Variants in NTNG2 observed in about 807,000 individuals in gnomAD.
NTNG2 encodes the protein netrin G2, also known as netrin-G2.
Under a neutral mutation model 47.6 loss-of-function variants are expected in NTNG2, and 15 were observed. The observed-to-expected ratio is 0.32, with a 90% CI of 0.21 to 0.49. NTNG2 has a LOEUF of 0.49. Ranked by LOEUF, NTNG2 falls within the 20% of genes least tolerant of loss-of-function variation. NTNG2 has a pLI of 0.99. For missense variants in NTNG2, 578 were observed against 764.6 expected, an observed-to-expected ratio of 0.76 and a Z score of 2.88; for synonymous variants, 307 against 324.6, an observed-to-expected ratio of 0.95 and a Z score of 0.58.
chr9:132,241,859 G>GC lies in NTNG2; in HGVS notation c.1358-12dup. 1 of 1,537,926 alleles carries GC rather than the reference G, an allele frequency of 6.5e-7. No homozygotes were observed. Among genetic ancestry groups the GC allele is most frequent in the Admixed American group, 1.9e-5 (1 of 54,022 alleles). On this transcript the variant is annotated splice_polypyrimidine_tract_variant and intron_variant, in intron 7 of 7. Coordinates refer to ENST00000393229, the MANE Select transcript of NTNG2 (RefSeq NM_032536.4). ...GACCGGGCCACCCCCCGTGCTGACC[G>GC]CCCCCTCCGCCTGCAGCCAACGTGT...
rs1472568651 is a variant in NTNG2 at position 132,231,273 on chromosome 9, C to T, written c.1054+678C>T. On this transcript the variant is annotated intron_variant, in intron 5 of 7. Coordinates refer to ENST00000393229, the MANE Select transcript of NTNG2 (RefSeq NM_032536.4). The surrounding 1 kb of genome is among the most constrained non-coding windows in gnomAD (Gnocchi z 4.1). The stretch of plus-strand genomic sequence containing the variant: ...CTGTCCCCAGACACTCACAGGGTGC[C>T]AGGCACGGTCTCTCCTTTCAGCCTT... 1 of 456,184 alleles carries T rather than the reference C, an allele frequency of 2.2e-6. No individual in the cohort carries two copies. Among genetic ancestry groups the T allele is most frequent in the Non-Finnish European group, 4.4e-6 (1 of 226,756 alleles). 28.3% of individuals were successfully genotyped at this position (456,184 alleles called of 1,614,324 possible).
chr9:132,224,141 T>G (rs1199563202), intron 3 of NTNG2, among the ~76,000 whole-genome samples: 1 of 152,046 alleles, frequency 6.6e-6, no homozygotes, highest in Non-Finnish European at 1.5e-5. Context: ...CTGGAAGAGG[T>G]GTGTGATTCG....
At chr9:132,164,316 A>AGCCTCCCG (rs1364850793) in intron 1 of NTNG2, among the ~76,000 whole-genome samples, 1 of 152,114 alleles carries the variant, frequency 6.6e-6, no homozygotes. Context: ...CGCTCGCCCC[A>AGCCTCCCG]GCCTCCCGGC....
intron 2 of NTNG2, among the ~76,000 whole-genome samples, chr9:132,188,973 G>C (rs1837623972): frequency 6.6e-6 from 1 of 151,408 alleles, no homozygotes; most frequent in South Asian, 2.1e-4. Flanking sequence ...TTCTATGTTA[G>C]TGGCTGAGGG....
intron 3 of NTNG2, among the ~76,000 whole-genome samples, chr9:132,204,206 C>G (rs1485300460): frequency 6.6e-6 from 1 of 152,178 alleles, no homozygotes; most frequent in African/African-American, 2.4e-5. Flanking sequence ...ACGGGCAGAT[C>G]TGAGCTCCAG....
At chr9:132,169,762 G>A (rs1835759141) in intron 2 of NTNG2, among the ~76,000 whole-genome samples, 1 of 152,232 alleles carries the variant, frequency 6.6e-6, no homozygotes, top group African/African-American at 2.4e-5. Context: ...CGGACACATA[G>A]TAGGTACTCA....
rs556489042 is a variant in NTNG2 at position 132,173,310 on chromosome 9, C to G, written c.213+6266C>G. Among the ~76,000 whole-genome samples, 5 of 152,310 alleles carry G rather than the reference C, an allele frequency of 3.3e-5. No homozygotes were observed. In the South Asian group the frequency reaches 1.0e-3, roughly 32 times the overall value. On this transcript the variant is annotated intron_variant, in intron 2 of 7. Transcript: ENST00000393229. ...CATCTTGTTGCACAGTGAAGTCTCC[C>G]TCCTGGGCAGTAGACAATGAGAAGA...
rs760552195 is a variant in NTNG2, at chr9:132,241,077, T to G, written c.1357+33T>G. 13 of 1,564,082 alleles carry G rather than the reference T, an allele frequency of 8.3e-6. No homozygotes were observed. The Middle Eastern group carries it at 5.1e-4, about 61-fold the overall frequency. ...CGCGCCGTCCCCCGTGGGCGGGGCCTGCGGAAAGGGGACGGGGCAGGACCG... is the reference window on the plus strand; with the variant it reads ...CGCGCCGTCCCCCGTGGGCGGGGCCGGCGGAAAGGGGACGGGGCAGGACCG... On this transcript the variant is annotated intron_variant, in intron 7 of 7. Transcript: ENST00000393229.
chr9:132,203,809 C>T (rs1274314212), intron 3 of NTNG2, among the ~76,000 whole-genome samples: 1 of 152,122 alleles, frequency 6.6e-6, no homozygotes, highest in African/African-American at 2.4e-5. Flanking sequence ...ACCTGGGAGT[C>T]AGAGGGAAGG....
At chr9:132,177,011 A>G (rs1033343230) in intron 2 of NTNG2, among the ~76,000 whole-genome samples, 1 of 152,146 alleles carries the variant, frequency 6.6e-6, no homozygotes, top group Non-Finnish European at 1.5e-5. Context: ...TTGTTTTGAG[A>G]CAGAGTCTCA....
intron 2 of NTNG2, among the ~76,000 whole-genome samples, chr9:132,168,342 G>A (rs907087062): frequency 1.3e-5 from 2 of 152,242 alleles, no homozygotes; most frequent in Admixed American, 6.5e-5. Flanking sequence ...GTACCTCTGC[G>A]TGTCCTTGGA....
chr9:132,174,143 G>T (rs111814862), intron 2 of NTNG2, among the ~76,000 whole-genome samples: 1 of 145,846 alleles, frequency 6.9e-6, no homozygotes, highest in Non-Finnish European at 1.5e-5. Flanking sequence ...TAGGCAGGCC[G>T]CACCATGCTG....
chr9:132,171,509 G>A (rs551142822), intron 2 of NTNG2, among the ~76,000 whole-genome samples: 1 of 152,292 alleles, frequency 6.6e-6, no homozygotes, highest in South Asian at 2.1e-4. Context: ...AGCATACAGA[G>A]GCACCTTGGC....
At chr9:132,183,573 G>C (rs1837109375) in intron 2 of NTNG2, among the ~76,000 whole-genome samples, 1 of 152,176 alleles carries the variant, frequency 6.6e-6, no homozygotes, top group South Asian at 2.1e-4. Flanking sequence ...CTTGTCATCT[G>C]TGCCACTCAT....
In NTNG2 at chr9:132,226,968, G is replaced by T; in HGVS notation, c.977G>T (p.Arg326Leu). The T allele has an allele frequency of 2.5e-6, 4 of 1,611,508 alleles. No homozygotes were observed. The highest frequency in any genetic ancestry group is 2.5e-6 in the Non-Finnish European group (3 of 1,179,672). ...AAGTGCAAGAAGAATTTCCGCACCCGGTCCTGGCGGGCCGGCTCCTACCTG... is the reference window on the plus strand; with the variant it reads ...AAGTGCAAGAAGAATTTCCGCACCCTGTCCTGGCGGGCCGGCTCCTACCTG... The part of the protein sequence containing the change: ...CGKCKKNFRT[R>L]SWRAGSYLPL... The change falls in exon 4 of 8, where the codon CGG (arginine) becomes CTG (leucine). Residue 326 changes from arginine to leucine, a missense_variant. Physicochemically the swap from Arg to Leu is moderately radical, Grantham distance 102. Coordinates refer to ENST00000393229, the MANE Select transcript of NTNG2 (RefSeq NM_032536.4). This position sits in a 1 kb window ranked among gnomAD's most constrained non-coding sequence, Gnocchi z 4.8.
intron 2 of NTNG2, among the ~76,000 whole-genome samples, chr9:132,192,176 C>T (rs1837946386): frequency 6.6e-6 from 1 of 152,196 alleles, no homozygotes; most frequent in South Asian, 2.1e-4. Context: ...GGAGACACTC[C>T]CAGTCTCAGC....
chr9:132,193,666 C>G (rs781551645), intron 2 of NTNG2, among the ~76,000 whole-genome samples: 11 of 152,120 alleles, frequency 7.2e-5, no homozygotes, highest in Non-Finnish European at 1.0e-4. Context: ...TGAAAAACTC[C>G]CAATTCGTCT....
intron 2 of NTNG2, among the ~76,000 whole-genome samples, chr9:132,179,796 G>A (rs769999122): frequency 1.3e-5 from 2 of 152,330 alleles, no homozygotes; most frequent in Middle Eastern, 3.4e-3. Flanking sequence ...AACTAGGATC[G>A]GTCTCCAGGG....
chr9:132,243,846 C>G lies in NTNG2; in HGVS notation c.*1735C>G. On this transcript the variant is annotated 3_prime_UTR_variant, in exon 8 of 8. Coordinates refer to ENST00000393229, the MANE Select transcript of NTNG2 (RefSeq NM_032536.4). ...CAGTGTCCCGAGCCCACACACCAGC[C>G]CCTCCTGGCCTCCTCTCTCTGCTCC... is the stretch of plus-strand genomic sequence containing the variant. 1 of 152,472 alleles carries G rather than the reference C, an allele frequency of 6.6e-6. No homozygotes were observed. The highest frequency in any genetic ancestry group is 1.9e-4 in the East Asian group (1 of 5,194). The allele number at this position is 152,472 out of a possible 1,614,324, so 9.4% of individuals were successfully genotyped here. A position where few individuals can be genotyped will look rare whatever the true frequency, so the allele number is the denominator to read the frequency against.
Sources: gnomAD v4.1 joint callset for allele counts (sites outside exome capture counted in the v4.1 genomes callset) on GRCh38, gnomAD v4.1.1 for gene constraint, Gnocchi (gnomAD v3.1) non-coding constraint, MANE v1.5 for transcripts, NCBI Gene and HGNC (gene_info 2026-07-23, HGNC 2026-07-21) for gene names.